Variants in TTC27 observed in about 807,000 individuals in gnomAD.
TTC27 encodes tetratricopeptide repeat domain 27, also known as tetratricopeptide repeat protein 27.
TTC27 carries 79 observed loss-of-function variants against 115.9 expected under a neutral mutation model. The observed-to-expected ratio is 0.68, with a 90% CI of 0.57 to 0.82. The LOEUF (loss-of-function observed/expected upper bound fraction) is 0.82. Among genes scored for constraint, TTC27 ranks in the 40% least tolerant of loss-of-function variants. The pLI is 0.00. For missense variants in TTC27, 1,054 were observed against 993.1 expected (o/e 1.06, Z -0.82); for synonymous variants, 401 against 356.0 (o/e 1.13, Z -1.42).
intron 13 of TTC27, among the ~76,000 whole-genome samples, chr2:32,772,775 C>G (rs547165249): frequency 6.6e-6 from 1 of 152,284 alleles, no homozygotes; most frequent in Admixed American, 6.5e-5. Flanking sequence ...ATATTCCATT[C>G]TATTGTCAAT....
chr2:32,738,975 CAA>C (rs1280731223), intron 12 of TTC27, among the ~76,000 whole-genome samples: 3 of 152,164 alleles, frequency 2.0e-5, no homozygotes, highest in Non-Finnish European at 4.4e-5. Flanking sequence ...TCAAAGCAAA[CAA>C]GAGGCATTAG....
intron 12 of TTC27, among the ~76,000 whole-genome samples, chr2:32,748,542 T>C (rs1458931157): frequency 1.3e-5 from 2 of 152,336 alleles, no homozygotes; most frequent in South Asian, 2.1e-4. Context: ...ATATTATTGT[T>C]CAGTTGTTTA....
At chr2:32,753,293 C>T (rs749214821) in intron 12 of TTC27, among the ~76,000 whole-genome samples, 3 of 152,148 alleles carry the variant, frequency 2.0e-5, no homozygotes, top group Admixed American at 6.5e-5. Flanking sequence ...CTTTGAAAGT[C>T]GCATAGTGTC....
At chr2:32,731,170 C>G (rs1330064705) in intron 10 of TTC27, among the ~76,000 whole-genome samples, 1 of 152,130 alleles carries the variant, frequency 6.6e-6, no homozygotes, top group African/African-American at 2.4e-5. Context: ...TCACGGCTCA[C>G]TGCAACCTCC....
At chr2:32,800,320 T>C (rs1376066032) in intron 16 of TTC27, among the ~76,000 whole-genome samples, 1 of 150,506 alleles carries the variant, frequency 6.6e-6, no homozygotes, top group African/African-American at 2.5e-5. Flanking sequence ...CTTGAGTAGC[T>C]GGCCAGGCAT....
At chr2:32,725,841 A>T (rs918776825) in intron 10 of TTC27, among the ~76,000 whole-genome samples, 1 of 152,330 alleles carries the variant, frequency 6.6e-6, no homozygotes. Context: ...GCCTGGACAC[A>T]TAGACATTTC....
At position 32,723,728 on chromosome 2, in the gene TTC27, C is replaced by CTCCCTCCCTCCCTCCGTCCTTCCT. The variant is rs1454826952; in HGVS notation, c.1234-10097_1234-10096insCTCCCTCCCTCCGTCCTTCCTTCC. 6.8e-5 allele frequency among the ~76,000 whole-genome samples: 2 copies of CTCCCTCCCTCCCTCCGTCCTTCCT among 29,514 alleles called. 1 individual carries two copies. Among genetic ancestry groups the CTCCCTCCCTCCCTCCGTCCTTCCT allele is most frequent in the African/African-American group, 3.4e-4 (2 of 5,816 alleles). The allele number at this position is 29,514 out of a possible 152,430, so 19.4% of individuals were successfully genotyped here. ...CCTCCCTCCCTCCCTCCCTCCCTCC[C>CTCCCTCCCTCCCTCCGTCCTTCCT]TCCTTCCTTCCTTCCTTCCTTCCTT... On this transcript the variant is annotated intron_variant, in intron 10 of 19. Transcript: ENST00000317907.
At chr2:32,651,951 G>T (rs752082956) in intron 5 of TTC27, among the ~76,000 whole-genome samples, 3 of 152,124 alleles carry the variant, frequency 2.0e-5, no homozygotes, top group Admixed American at 6.5e-5. Flanking sequence ...TAAGCCTGGG[G>T]GTCTAGCAGG....
chr2:32,813,370 C>T (rs1158210645), intron 18 of TTC27, among the ~76,000 whole-genome samples: 1 of 152,172 alleles, frequency 6.6e-6, no homozygotes, highest in South Asian at 2.1e-4. Context: ...AGGGAGCAAA[C>T]AAGGAAGAAT....
chr2:32,746,454 C>T (rs1193800454), intron 12 of TTC27, among the ~76,000 whole-genome samples: 1 of 147,406 alleles, frequency 6.8e-6, no homozygotes, highest in East Asian at 2.0e-4. Context: ...TCCCAGCTAC[C>T]TGTGAGGCTG....
intron 9 of TTC27, among the ~76,000 whole-genome samples, chr2:32,700,948 A>G (rs1364894156): frequency 6.6e-6 from 1 of 152,162 alleles, no homozygotes; most frequent in Non-Finnish European, 1.5e-5. Context: ...ATAGGTCCAT[A>G]TGCACCTATT....
intron 14 of TTC27, among the ~76,000 whole-genome samples, chr2:32,781,775 T>C (rs1274455187): frequency 6.6e-6 from 1 of 152,156 alleles, no homozygotes; most frequent in Non-Finnish European, 1.5e-5. Flanking sequence ...AGGTATAACC[T>C]CTCTGGGATT....
At chr2:32,775,259 G>A (rs1173747395) in intron 13 of TTC27, among the ~76,000 whole-genome samples, 7 of 152,086 alleles carry the variant, frequency 4.6e-5, no homozygotes, top group Non-Finnish European at 1.0e-4. Flanking sequence ...GTGCAGTGGC[G>A]CCATCTCAGC....
chr2:32,722,379 G>A (rs1667961043), intron 10 of TTC27, among the ~76,000 whole-genome samples: 1 of 152,190 alleles, frequency 6.6e-6, no homozygotes, highest in Non-Finnish European at 1.5e-5. Context: ...AATAATTATA[G>A]TTGCTACTGT....
intron 18 of TTC27, among the ~76,000 whole-genome samples, chr2:32,815,115 G>T (rs1163485187): frequency 1.3e-5 from 2 of 151,816 alleles, no homozygotes; most frequent in Non-Finnish European, 2.9e-5. Context: ...TGATTTTCTG[G>T]GAAAGGGTGG....
At chr2:32,754,767 C>CG (rs1669146774) in intron 12 of TTC27, among the ~76,000 whole-genome samples, 1 of 145,050 alleles carries the variant, frequency 6.9e-6, no homozygotes, top group African/African-American at 2.6e-5. Context: ...GCTGGCCGGG[C>CG]GGGGGCTGAC....
chr2:32,672,232 T>C, intron 7 of TTC27, 40 bp from the exon 8 acceptor site: 1 of 1,476,660 alleles, frequency 6.8e-7, no homozygotes, highest in Non-Finnish European at 9.4e-7. Flanking sequence ...TGAATAAAAT[T>C]TAATTTTTGG....
At chr2:32,758,558 G>C in intron 13 of TTC27, 39 bp downstream of exon 13, 1 of 1,584,408 alleles carries the variant, frequency 6.3e-7, no homozygotes, top group Non-Finnish European at 8.7e-7. Flanking sequence ...CTCAGCGCTT[G>C]TGCTGTTCTT....
chr2:32,745,501 G>A (rs79878281), intron 12 of TTC27, among the ~76,000 whole-genome samples: 1,698 of 152,212 alleles, frequency 0.011, 31 homozygotes, highest in African/African-American at 0.038. Context: ...CAGGGAAGAG[G>A]AGTTTAATTT....
Sources: gnomAD v4.1 joint callset for allele counts (sites outside exome capture counted in the v4.1 genomes callset) on GRCh38, gnomAD v4.1.1 for gene constraint, MANE v1.5 for transcripts, NCBI Gene and HGNC (gene_info 2026-07-23, HGNC 2026-07-21) for gene names.